Variants in GAP43 observed in about 807,000 individuals in gnomAD.
GAP43 encodes neuromodulin.
GAP43 carries 6 observed loss-of-function variants against 18.6 expected under a neutral mutation model. The observed-to-expected ratio is 0.32, with a 90% confidence interval of 0.18 to 0.64. The LOEUF (loss-of-function observed/expected upper bound fraction) is 0.64, where lower values mean the gene tolerates loss of function less well. Ranked by LOEUF, GAP43 falls within the 30% of genes least tolerant of loss-of-function variation. The pLI is 0.78. For missense variants in GAP43, 292 were observed against 295.5 expected (o/e 0.99, Z 0.09); for synonymous variants, 115 against 111.4 (o/e 1.03, Z -0.20).
chr3:115,690,032 T>G (rs1176620971), intron 2 of GAP43, among the ~76,000 whole-genome samples: 3 of 152,268 alleles, frequency 2.0e-5, no homozygotes, highest in Non-Finnish European at 4.4e-5. Context: ...ACAAGCTCTC[T>G]GGCCATGGCC....
At chr3:115,700,514 T>G (rs1462036298) in intron 2 of GAP43, among the ~76,000 whole-genome samples, 1 of 152,164 alleles carries the variant, frequency 6.6e-6, no homozygotes, top group East Asian at 1.9e-4. Flanking sequence ...GCATAGAGTC[T>G]TCCTAGCTGT....
chr3:115,686,236 A>G (rs563825225), intron 2 of GAP43, among the ~76,000 whole-genome samples: 3 of 152,250 alleles, frequency 2.0e-5, no homozygotes, highest in Non-Finnish European at 4.4e-5. Context: ...AATAGTAATT[A>G]TCAACTTCCA....
intron 1 of GAP43, 45 bp from the exon 2 acceptor site, chr3:115,675,968 G>C: frequency 6.5e-7 from 1 of 1,546,068 alleles, no homozygotes; most frequent in Non-Finnish European, 8.7e-7. Context: ...TAAAGGAGAA[G>C]AATGTCATTG....
intron 2 of GAP43, among the ~76,000 whole-genome samples, chr3:115,705,660 G>A (rs542046842): frequency 1.0e-3 from 157 of 152,044 alleles, no homozygotes; most frequent in African/African-American, 3.3e-3. Flanking sequence ...TGAAAAGGCC[G>A]GTACAATGCC....
intron 1 of GAP43, among the ~76,000 whole-genome samples, chr3:115,624,070 A>G (rs1438453988): frequency 6.9e-6 from 1 of 145,394 alleles, no homozygotes; most frequent in African/African-American, 2.6e-5. Context: ...TACCTACAAG[A>G]TGGGGAGGCA....
chr3:115,688,139 C>T (rs1401996338), intron 2 of GAP43, among the ~76,000 whole-genome samples: 1 of 152,056 alleles, frequency 6.6e-6, no homozygotes, highest in Non-Finnish European at 1.5e-5. Context: ...GCCTCAGCCT[C>T]CCGAGTAGCT....
intron 1 of GAP43, among the ~76,000 whole-genome samples, chr3:115,639,374 C>T (rs1372000296): frequency 6.6e-6 from 1 of 152,068 alleles, no homozygotes; most frequent in East Asian, 1.9e-4. Context: ...GATGAGTACT[C>T]ACTGTAAAAT....
chr3:115,676,050 A>T lies in GAP43; in HGVS notation c.68A>T (p.Asp23Val). Residue 23 changes from aspartate to valine, a missense_variant, in exon 2 of 3, where the codon GAT (aspartate) becomes GTT (valine). Physicochemically the swap from Asp to Val is radical, Grantham distance 152. Transcript: ENST00000305124. ...KNDDDQKIEQ[D>V]GIKPEDKAHK... Reference sequence around the variant, plus strand: ...GATGACGACCAAAAGATTGAACAAGATGGTATCAAACCAGAAGATAAAGCT... The same window carrying T: ...GATGACGACCAAAAGATTGAACAAGTTGGTATCAAACCAGAAGATAAAGCT... 6.2e-7 allele frequency: 1 copy of T among 1,612,860 alleles called. No homozygotes were observed. Among genetic ancestry groups the T allele is most frequent in the Non-Finnish European group, 8.5e-7 (1 of 1,179,746 alleles).
rs561990020 is a variant in GAP43 at position 115,635,008 on chromosome 3, A to G, written c.30+11289A>G. ...TTTTATTTGAGAGATGGGAAGGAAT[A>G]AGAGACTTCATAAGGGAGAATGATA... On this transcript the variant is annotated intron_variant, in intron 1 of 2. Coordinates refer to ENST00000305124, the MANE Select transcript of GAP43 (RefSeq NM_002045.4). Among the ~76,000 whole-genome samples the G allele has an allele frequency of 1.4e-4, 22 of 152,252 alleles. 1 individual carries two copies. In the South Asian group the frequency reaches 4.4e-3, roughly 30 times the overall value.
intron 1 of GAP43, among the ~76,000 whole-genome samples, chr3:115,673,148 A>C (rs1486990326): frequency 6.6e-6 from 1 of 152,174 alleles, no homozygotes; most frequent in Non-Finnish European, 1.5e-5. Context: ...CTAAAAAGTC[A>C]TTCTAACATA....
At chr3:115,658,265 G>A (rs1708611999) in intron 1 of GAP43, among the ~76,000 whole-genome samples, 1 of 151,960 alleles carries the variant, frequency 6.6e-6, no homozygotes, top group Admixed American at 6.5e-5. Flanking sequence ...TTTTTCCTAA[G>A]TAGGGCTGGT....
intron 2 of GAP43, among the ~76,000 whole-genome samples, chr3:115,702,651 C>A (rs1184858321): frequency 6.6e-6 from 1 of 152,002 alleles, no homozygotes; most frequent in South Asian, 2.1e-4. Flanking sequence ...AAGGAGTAGA[C>A]AAGTTATAGG....
At chr3:115,672,766 C>CTCCTT (rs1176739053) in intron 1 of GAP43, among the ~76,000 whole-genome samples, 5 of 147,578 alleles carry the variant, frequency 3.4e-5, no homozygotes, top group African/African-American at 1.3e-4. Flanking sequence ...CTCCTCTCCT[C>CTCCTT]TCCTTTCCTT....
chr3:115,698,057 A>T lies in GAP43; in HGVS notation c.628+21447A>T, dbSNP rs1442314963. On this transcript the variant is annotated intron_variant, in intron 2 of 2. Transcript: ENST00000305124. ...TAAAATATATATTATATATTATATA[A>T]AATATATATTATATATAATATATAA... is the stretch of plus-strand genomic sequence containing the variant. Among the ~76,000 whole-genome samples, 8 of 53,570 alleles carry T rather than the reference A, an allele frequency of 1.5e-4. 1 individual carries two copies. The highest frequency in any genetic ancestry group is 5.4e-4 in the African/African-American group (4 of 7,474). 35.1% of individuals were successfully genotyped at this position (53,570 alleles called of 152,430 possible). A position where few individuals can be genotyped will look rare whatever the true frequency, so the allele number is the denominator to read the frequency against.
At chr3:115,665,454 G>A (rs981144401) in intron 1 of GAP43, among the ~76,000 whole-genome samples, 1 of 152,178 alleles carries the variant, frequency 6.6e-6, no homozygotes, top group Non-Finnish European at 1.5e-5. Context: ...TACTAATTGT[G>A]AGGCTTTCCA....
At chr3:115,668,275 G>A (rs1479740029) in intron 1 of GAP43, among the ~76,000 whole-genome samples, 1 of 152,106 alleles carries the variant, frequency 6.6e-6, no homozygotes, top group African/African-American at 2.4e-5. Context: ...TCCAACCCCT[G>A]TTTAGGGAAG....
chr3:115,704,620 C>G (rs1709338261), intron 2 of GAP43, among the ~76,000 whole-genome samples: 1 of 151,958 alleles, frequency 6.6e-6, no homozygotes, highest in South Asian at 2.1e-4. Flanking sequence ...TTGCATTTCT[C>G]AAACAAAAAT....
intron 2 of GAP43, among the ~76,000 whole-genome samples, chr3:115,710,507 A>G (rs1232755398): frequency 1.3e-5 from 2 of 152,194 alleles, no homozygotes; most frequent in South Asian, 2.1e-4. Context: ...AAGCACTGCT[A>G]TAGTTGAATA....
chr3:115,698,165 A>AATATATATT (rs1709237112), intron 2 of GAP43, among the ~76,000 whole-genome samples: 21 of 30,000 alleles, frequency 7.0e-4, no homozygotes, highest in East Asian at 1.5e-3. Flanking sequence ...TAATATATAA[A>AATATATATT]ATATATTAAA....
Sources: allele counts gnomAD v4.1 joint callset (sites outside exome capture counted in the v4.1 genomes callset), GRCh38; gene constraint gnomAD v4.1.1; transcripts MANE v1.5; gene names NCBI Gene and HGNC (gene_info 2026-07-23, HGNC 2026-07-21).